ARHGAP15: variants seen among roughly 807,000 people sequenced by gnomAD.
ARHGAP15 encodes the protein rho GTPase-activating protein 15.
In ARHGAP15, 51 loss-of-function variants were observed where a neutral mutation model predicts 63.7. That is an observed-to-expected ratio of 0.80 (90% CI 0.64 to 1.01). The LOEUF (loss-of-function observed/expected upper bound fraction) is 1.01, where lower values mean the gene tolerates loss of function less well. ARHGAP15 is among the 50% of genes least tolerant of loss of function. The pLI, the probability that ARHGAP15 is intolerant of heterozygous loss-of-function variation, is 0.00. For synonymous variants in ARHGAP15, 191 were observed against 193.8 expected (o/e 0.99, Z 0.12); for missense variants, 560 against 564.6 (o/e 0.99, Z 0.08).
At chr2:143,481,688 A>T (rs1173462141) in intron 8 of ARHGAP15, among the ~76,000 whole-genome samples, 2 of 152,164 alleles carry the variant, frequency 1.3e-5, no homozygotes, top group African/African-American at 2.4e-5. Context: ...TACTAAGGGC[A>T]CCCATTTACA....
At position 143,216,445 on chromosome 2, in the gene ARHGAP15, G is replaced by C; in HGVS notation, c.296G>C (p.Arg99Thr). 6.3e-7 allele frequency: 1 copy of C among 1,598,786 alleles called. No homozygotes were observed. Among genetic ancestry groups the C allele is most frequent in the Non-Finnish European group, 8.5e-7 (1 of 1,170,140 alleles). The change falls in exon 4 of 14, where the codon AGG becomes ACG. Residue 99 changes from arginine to threonine, a missense_variant and splice_region_variant. Coordinates refer to ENST00000295095, the MANE Select transcript of ARHGAP15 (RefSeq NM_018460.4). ...ATTGCAGATGGAGGAAAGAAACTAAGGTAATAAAATTCTTTAATTCACTTT... is the reference window on the plus strand; with the variant it reads ...ATTGCAGATGGAGGAAAGAAACTAACGTAATAAAATTCTTTAATTCACTTT... The part of the protein sequence containing the change: ...AKIADGGKKL[R>T]KNWSTSWIVL...
intron 2 of ARHGAP15, among the ~76,000 whole-genome samples, chr2:143,185,884 T>A (rs1284122282): frequency 6.6e-6 from 1 of 152,154 alleles, no homozygotes; most frequent in Non-Finnish European, 1.5e-5. Flanking sequence ...TTAGTCCTTT[T>A]CTTCTTTAAC....
chr2:143,400,522 A>T (rs1687945156), intron 6 of ARHGAP15, among the ~76,000 whole-genome samples: 1 of 151,988 alleles, frequency 6.6e-6, no homozygotes, highest in Admixed American at 6.6e-5. Flanking sequence ...ATGAGCTATC[A>T]CATAAAAATA....
At position 143,333,773 on chromosome 2, in the gene ARHGAP15, G is replaced by A. The variant is rs72851590; in HGVS notation, c.474+83173G>A. Among the ~76,000 whole-genome samples, 1,310 of 152,198 alleles carry A rather than the reference G, an allele frequency of 8.6e-3. 3 individuals carry two copies. Among genetic ancestry groups the A allele is most frequent in the Non-Finnish European group, 0.014 (948 of 68,020 alleles). On this transcript the variant is annotated intron_variant, in intron 6 of 13. Transcript: ENST00000295095. ...AGCATTAGGCACAGAAACAAGATTCGGGAAATATAGATATAGAAGAAACAG... is the reference window on the plus strand; with the variant it reads ...AGCATTAGGCACAGAAACAAGATTCAGGAAATATAGATATAGAAGAAACAG...
intron 9 of ARHGAP15, among the ~76,000 whole-genome samples, chr2:143,514,660 G>A (rs4233566): frequency 0.41 from 61,966 of 151,960 alleles, 12,860 homozygotes; most frequent in Non-Finnish European, 0.45. Flanking sequence ...ATATAACACC[G>A]AGCATCTATT....
At chr2:143,558,179 A>G (rs1292664700) in intron 11 of ARHGAP15, among the ~76,000 whole-genome samples, 1 of 152,188 alleles carries the variant, frequency 6.6e-6, no homozygotes, top group African/African-American at 2.4e-5. Context: ...AATGTTTTTC[A>G]TAATACATTT....
chr2:143,280,540 A>C (rs1037366745), intron 6 of ARHGAP15, among the ~76,000 whole-genome samples: 1 of 152,170 alleles, frequency 6.6e-6, no homozygotes, highest in African/African-American at 2.4e-5. Context: ...TCTTGGCAGA[A>C]GCTAGAAATG....
rs1693354438 is a variant in ARHGAP15 at position 143,507,001 on chromosome 2, CATT to C, written c.827-12263_827-12261del. ...CTATTCATACATTCATTTATGCACTCATTAGGCAACCAGAAGGCATGTAATATA... is the reference window on the plus strand; with the variant it reads ...CTATTCATACATTCATTTATGCACTCAGGCAACCAGAAGGCATGTAATATA... On this transcript the variant is annotated intron_variant, in intron 9 of 13. Coordinates refer to ENST00000295095, the MANE Select transcript of ARHGAP15 (RefSeq NM_018460.4). 5.9e-5 allele frequency among the ~76,000 whole-genome samples: 9 copies of C among 152,246 alleles called. No homozygotes were observed. The South Asian group carries it at 1.9e-3, about 32-fold the overall frequency.
At chr2:143,517,744 A>AT (rs1202977360) in intron 9 of ARHGAP15, among the ~76,000 whole-genome samples, 2 of 152,176 alleles carry the variant, frequency 1.3e-5, no homozygotes, top group Non-Finnish European at 2.9e-5. Context: ...GAGTGGAGCC[A>AT]TTTTTTTAAA....
At chr2:143,541,069 T>C (rs1695024243) in intron 10 of ARHGAP15, among the ~76,000 whole-genome samples, 1 of 152,162 alleles carries the variant, frequency 6.6e-6, no homozygotes, top group Non-Finnish European at 1.5e-5. Context: ...GGAGGCTTTG[T>C]TCGTTTCTTT....
intron 6 of ARHGAP15, among the ~76,000 whole-genome samples, chr2:143,316,941 A>C (rs1339152608): frequency 6.6e-6 from 1 of 152,172 alleles, no homozygotes; most frequent in Non-Finnish European, 1.5e-5. Flanking sequence ...AATTGAACTT[A>C]CGTAGTTATA....
chr2:143,171,149 T>G (rs1690764913), intron 2 of ARHGAP15, among the ~76,000 whole-genome samples: 2 of 152,090 alleles, frequency 1.3e-5, no homozygotes, highest in Non-Finnish European at 2.9e-5. Flanking sequence ...AGAAAAATAA[T>G]AGTTCAGCTA....
chr2:143,708,921 T>G (rs1684450174), intron 13 of ARHGAP15, among the ~76,000 whole-genome samples: 1 of 152,138 alleles, frequency 6.6e-6, no homozygotes, highest in Non-Finnish European at 1.5e-5. Context: ...TGTGTCCCAG[T>G]CACCAATATA....
intron 10 of ARHGAP15, among the ~76,000 whole-genome samples, chr2:143,525,372 A>T (rs114776940): frequency 0.046 from 6,941 of 151,732 alleles, 253 homozygotes; most frequent in Middle Eastern, 0.075. Flanking sequence ...AAAAAAAATC[A>T]AGAGTACAAG....
At chr2:143,744,232 T>C (rs1280432827) in intron 13 of ARHGAP15, among the ~76,000 whole-genome samples, 3 of 152,194 alleles carry the variant, frequency 2.0e-5, no homozygotes, top group Non-Finnish European at 2.9e-5. Context: ...AAGGAGAGAC[T>C]TGGGGAGGCC....
At chr2:143,378,897 T>C (rs1039898815) in intron 6 of ARHGAP15, among the ~76,000 whole-genome samples, 24 of 152,104 alleles carry the variant, frequency 1.6e-4, no homozygotes, top group African/African-American at 4.8e-4. Context: ...TTGAAGCATG[T>C]AAAATATTGA....
chr2:143,505,627 C>T (rs1220968524), intron 9 of ARHGAP15, among the ~76,000 whole-genome samples: 1 of 152,176 alleles, frequency 6.6e-6, no homozygotes, highest in East Asian at 1.9e-4. Context: ...CCACAGTGCT[C>T]AGAACAGCCC....
At chr2:143,363,532 G>A (rs534574857) in intron 6 of ARHGAP15, among the ~76,000 whole-genome samples, 1 of 152,046 alleles carries the variant, frequency 6.6e-6, no homozygotes, top group Non-Finnish European at 1.5e-5. Flanking sequence ...GAACACTCTT[G>A]CTACTGTTCT....
intron 6 of ARHGAP15, among the ~76,000 whole-genome samples, chr2:143,409,377 A>G (rs1688350574): frequency 6.6e-6 from 1 of 152,036 alleles, no homozygotes; most frequent in African/African-American, 2.4e-5. Context: ...TATGTCAGAA[A>G]CAGAAGTGGA....
Sources: gnomAD v4.1 joint callset for allele counts (sites outside exome capture counted in the v4.1 genomes callset) on GRCh38, gnomAD v4.1.1 for gene constraint, MANE v1.5 for transcripts, NCBI Gene and HGNC (gene_info 2026-07-23, HGNC 2026-07-21) for gene names.